CHD7: variants seen among roughly 807,000 people sequenced by gnomAD.
The protein encoded by CHD7 is ATP-dependent chromatin remodeler CHD7.
Under a neutral mutation model 307.3 loss-of-function variants are expected in CHD7, and 24 were observed. The ratio of observed to expected loss-of-function variants is 0.08; its 90% CI spans 0.06 to 0.11. CHD7 has a LOEUF of 0.11. Ranked by LOEUF, CHD7 falls within the 10% of genes least tolerant of loss-of-function variation. The pLI, the probability that CHD7 is intolerant of heterozygous loss-of-function variation, is 1.00. For missense variants in CHD7, 3,106 were observed against 3,727.1 expected, an observed-to-expected ratio of 0.83 and a Z score of 4.34; for synonymous variants, 1,363 against 1,349.9, an observed-to-expected ratio of 1.01 and a Z score of -0.21.
At chr8:60,839,061 G>A (rs1804858821) in intron 19 of CHD7, among the ~76,000 whole-genome samples, 1 of 152,160 alleles carries the variant, frequency 6.6e-6, no homozygotes, top group Non-Finnish European at 1.5e-5. Flanking sequence ...AGGTCCTCAT[G>A]CTCATTAGCA....
chr8:60,740,951 G>T (rs74350073), intron 1 of CHD7, among the ~76,000 whole-genome samples: 3 of 152,188 alleles, frequency 2.0e-5, no homozygotes, highest in Admixed American at 2.0e-4. Context: ...GCTGCTTCAC[G>T]TTGTGTTCTT....
At chr8:60,809,965 C>T (rs1044519450) in intron 7 of CHD7, among the ~76,000 whole-genome samples, 5 of 151,974 alleles carry the variant, frequency 3.3e-5, no homozygotes, top group African/African-American at 4.8e-5. Flanking sequence ...GGGTTTTTAC[C>T]GTAAGGAAGA....
At chr8:60,715,454 GGA>G (rs1262698420) in intron 1 of CHD7, among the ~76,000 whole-genome samples, 49 of 151,996 alleles carry the variant, frequency 3.2e-4, no homozygotes, top group African/African-American at 1.0e-3. Context: ...GGAGTAGCTG[GGA>G]TTACAGGCAC....
intron 1 of CHD7, among the ~76,000 whole-genome samples, chr8:60,699,896 C>T (rs112420832): frequency 2.0e-5 from 3 of 151,210 alleles, no homozygotes; most frequent in Non-Finnish European, 4.4e-5. Context: ...TGTGCAATGG[C>T]GTGATTTCAG....
intron 13 of CHD7, among the ~76,000 whole-genome samples, chr8:60,826,762 G>A (rs1249437131): frequency 1.3e-5 from 2 of 152,204 alleles, no homozygotes; most frequent in Admixed American, 6.5e-5. Flanking sequence ...CCATCCACGA[G>A]GAGGGGATGC....
At chr8:60,850,294 T>G (rs1486668565) in intron 25 of CHD7, among the ~76,000 whole-genome samples, 199 bp from the exon 26 acceptor site, 1 of 152,218 alleles carries the variant, frequency 6.6e-6, no homozygotes, top group Non-Finnish European at 1.5e-5. Flanking sequence ...ATCCCTGAAG[T>G]GTAACTTGGC....
intron 1 of CHD7, among the ~76,000 whole-genome samples, chr8:60,693,420 C>T (rs186261411): frequency 2.0e-5 from 3 of 152,322 alleles, no homozygotes; most frequent in South Asian, 4.1e-4. Context: ...GAGAGAGGGT[C>T]CCCCCTCCAG....
chr8:60,684,281 C>T (rs1805772514), intron 1 of CHD7, among the ~76,000 whole-genome samples: 1 of 152,166 alleles, frequency 6.6e-6, no homozygotes, highest in South Asian at 2.1e-4. Flanking sequence ...TTCCTCTGTG[C>T]ATGTCAGGAT....
chr8:60,843,789 T>C (rs1192894611), intron 21 of CHD7, among the ~76,000 whole-genome samples: 1 of 151,994 alleles, frequency 6.6e-6, no homozygotes, highest in Non-Finnish European at 1.5e-5. Flanking sequence ...TCAGCCAGGG[T>C]AAGAGGGAGT....
At chr8:60,851,391 T>C in intron 28 of CHD7, 72 bp downstream of exon 28, 1 of 1,148,296 alleles carries the variant, frequency 8.7e-7, no homozygotes, top group Non-Finnish European at 1.3e-6. Context: ...TGGTAGGGAC[T>C]GTCCTGCTTC....
intron 12 of CHD7, 37 bp from the exon 13 acceptor site, chr8:60,823,803 A>G: frequency 1.3e-6 from 2 of 1,541,756 alleles, no homozygotes; most frequent in South Asian, 1.1e-5. Context: ...TTATGTAACC[A>G]TTAATGCTTA....
chr8:60,821,975 G>A (rs765243062), intron 10 of CHD7, 48 bp downstream of exon 10: 1 of 1,613,294 alleles, frequency 6.2e-7, no homozygotes, highest in Non-Finnish European at 8.5e-7. Flanking sequence ...ATAGCATAGT[G>A]GTGTGGTCTT....
At chr8:60,729,326 C>T (rs540082289) in intron 1 of CHD7, among the ~76,000 whole-genome samples, 1 of 152,110 alleles carries the variant, frequency 6.6e-6, no homozygotes, top group South Asian at 2.1e-4. Flanking sequence ...TTTTGCCAAA[C>T]CTTTATTTAT....
intron 1 of CHD7, among the ~76,000 whole-genome samples, chr8:60,721,351 G>A (rs369884989): frequency 2.0e-5 from 3 of 152,220 alleles, no homozygotes; most frequent in African/African-American, 7.2e-5. Flanking sequence ...CACACAGTGA[G>A]ATGGTGGCTG....
At chr8:60,857,222 T>C (rs1805758134) in intron 34 of CHD7, among the ~76,000 whole-genome samples, 1 of 152,240 alleles carries the variant, frequency 6.6e-6, no homozygotes, top group Admixed American at 6.5e-5. Context: ...TGATATGTTT[T>C]AGGCCTGGCA....
chr8:60,681,884 TAAG>T (rs371845351), intron 1 of CHD7, among the ~76,000 whole-genome samples: 1,821 of 152,308 alleles, frequency 0.012, 39 homozygotes, highest in African/African-American at 0.041. Flanking sequence ...AGTTTTCAGA[TAAG>T]AAATGAATTA....
At chr8:60,746,940 C>T (rs1809356756) in intron 2 of CHD7, among the ~76,000 whole-genome samples, 1 of 152,154 alleles carries the variant, frequency 6.6e-6, no homozygotes, top group Non-Finnish European at 1.5e-5. Flanking sequence ...TTTTCTCAAA[C>T]TTTTCATCTC....
At chr8:60,684,411 T>A (rs1452272930) in intron 1 of CHD7, among the ~76,000 whole-genome samples, 1 of 152,212 alleles carries the variant, frequency 6.6e-6, no homozygotes, top group African/African-American at 2.4e-5. Flanking sequence ...TGCTATGAAT[T>A]GTCAATATAG....
chr8:60,851,929 G>A, intron 28 of CHD7, 90 bp from the exon 29 acceptor site: 1 of 838,728 alleles, frequency 1.2e-6, no homozygotes, highest in Non-Finnish European at 1.8e-6. Context: ...ACTGTCATTT[G>A]AATCTTAATG....
Sources: allele counts gnomAD v4.1 joint callset (sites outside exome capture counted in the v4.1 genomes callset), GRCh38; gene constraint gnomAD v4.1.1; transcripts MANE v1.5; gene names NCBI Gene and HGNC (gene_info 2026-07-23, HGNC 2026-07-21).